CNTNAP4: variants seen among roughly 807,000 people sequenced by gnomAD.
The protein encoded by CNTNAP4 is contactin associated protein family member 4.
A neutral mutation model predicts 148.4 loss-of-function variants in CNTNAP4; 98 were observed. The observed-to-expected ratio is 0.66, with a 90% CI of 0.56 to 0.78. The LOEUF is 0.78. Ranked by LOEUF, CNTNAP4 falls within the 30% of genes least tolerant of loss-of-function variation. CNTNAP4 has a pLI of 0.00. For missense variants in CNTNAP4, 1,935 were observed against 1,565.6 expected (o/e 1.24, Z -3.98); for synonymous variants, 730 against 565.1 (o/e 1.29, Z -4.14).
chr16:76,422,537 CA>C (rs1344826210), intron 3 of CNTNAP4, among the ~76,000 whole-genome samples: 1 of 152,102 alleles, frequency 6.6e-6, no homozygotes, highest in African/African-American at 2.4e-5. Context: ...AAAAAAGCTT[CA>C]GATAAAATAT....
intron 1 of CNTNAP4, among the ~76,000 whole-genome samples, chr16:76,301,788 G>A (rs1421348376): frequency 6.6e-6 from 1 of 152,082 alleles, no homozygotes; most frequent in Non-Finnish European, 1.5e-5. Context: ...GGATGTTTAT[G>A]GGTTAAGGAA....
At chr16:76,520,971 A>G (rs917435489) in intron 15 of CNTNAP4, among the ~76,000 whole-genome samples, 169 bp from the exon 16 acceptor site, 21 of 152,146 alleles carry the variant, frequency 1.4e-4, no homozygotes, top group Non-Finnish European at 2.5e-4. Context: ...CTTATGATAT[A>G]CTCATATCTT....
At chr16:76,415,320 A>G (rs2078936203) in intron 3 of CNTNAP4, among the ~76,000 whole-genome samples, 1 of 151,220 alleles carries the variant, frequency 6.6e-6, no homozygotes, top group African/African-American at 2.4e-5. Context: ...AGATTCTACA[A>G]AATATATTTA....
chr16:76,352,327 T>C (rs1418218900), intron 2 of CNTNAP4, among the ~76,000 whole-genome samples: 4 of 152,190 alleles, frequency 2.6e-5, no homozygotes, highest in Non-Finnish European at 5.9e-5. Context: ...ATGTCCATCA[T>C]GTGCCTATAC....
chr16:76,540,886 G>A, intron 21 of CNTNAP4, 96 bp downstream of exon 21: 1 of 777,616 alleles, frequency 1.3e-6, no homozygotes, highest in South Asian at 1.6e-5. Flanking sequence ...CTTCGTCATG[G>A]CAAAGGAAAT....
rs572579966 is a variant in CNTNAP4 at position 76,381,874 on chromosome 16, C to T, written c.390+26363C>T. The stretch of plus-strand genomic sequence containing the variant: ...AGGAGATCGAGACCATCCTGGCTAA[C>T]ACGGTGAAACCCTGTCTCTACTAAA... On this transcript the variant is annotated intron_variant, in intron 3 of 23. Transcript: ENST00000611870. Among the ~76,000 whole-genome samples the T allele has an allele frequency of 1.1e-4, 16 of 152,072 alleles. No individual in the cohort carries two copies. The East Asian group carries it at 3.1e-3, about 30-fold the overall frequency.
chr16:76,439,901 A>G (rs999269662), intron 4 of CNTNAP4, among the ~76,000 whole-genome samples: 2 of 152,072 alleles, frequency 1.3e-5, no homozygotes, highest in African/African-American at 4.8e-5. Flanking sequence ...TCTCTTCTCC[A>G]TTGCTTTAAA....
At chr16:76,533,848 G>A (rs960075935) in intron 17 of CNTNAP4, among the ~76,000 whole-genome samples, 1 of 152,122 alleles carries the variant, frequency 6.6e-6, no homozygotes, top group Non-Finnish European at 1.5e-5. Context: ...AAATAGAACA[G>A]CCAACACCCT....
chr16:76,463,138 C>T (rs996923929), intron 9 of CNTNAP4, among the ~76,000 whole-genome samples: 2 of 152,102 alleles, frequency 1.3e-5, no homozygotes, highest in African/African-American at 4.8e-5. Context: ...AACCGGGCTG[C>T]TTATAAAACC....
intron 2 of CNTNAP4, among the ~76,000 whole-genome samples, chr16:76,350,035 A>G (rs1252747233): frequency 6.6e-6 from 1 of 152,060 alleles, no homozygotes; most frequent in Non-Finnish European, 1.5e-5. Flanking sequence ...CTCCCTTACC[A>G]GCACTAAATA....
intron 2 of CNTNAP4, among the ~76,000 whole-genome samples, chr16:76,328,195 C>T (rs1963183677): frequency 6.6e-6 from 1 of 152,154 alleles, no homozygotes; most frequent in Non-Finnish European, 1.5e-5. Context: ...TGACAAACAC[C>T]ACCTCATCTT....
chr16:76,419,270 G>A (rs930568928), intron 3 of CNTNAP4, among the ~76,000 whole-genome samples: 9 of 151,954 alleles, frequency 5.9e-5, no homozygotes, highest in African/African-American at 2.2e-4. Flanking sequence ...ACGGAGGCTG[G>A]AATGGGAGAA....
chr16:76,333,006 T>C (rs1268714464), intron 2 of CNTNAP4, among the ~76,000 whole-genome samples: 2 of 152,202 alleles, frequency 1.3e-5, no homozygotes, highest in East Asian at 3.8e-4. Context: ...ATTACTCCCC[T>C]TTCTTACACA....
intron 9 of CNTNAP4, among the ~76,000 whole-genome samples, chr16:76,464,062 G>C (rs1171768284): frequency 6.6e-6 from 1 of 152,150 alleles, no homozygotes; most frequent in African/African-American, 2.4e-5. Flanking sequence ...CACCCTAACA[G>C]TTCCAGGGCT....
intron 3 of CNTNAP4, among the ~76,000 whole-genome samples, chr16:76,413,154 A>G (rs1430956426): frequency 1.3e-5 from 2 of 151,254 alleles, no homozygotes; most frequent in Non-Finnish European, 3.0e-5. Flanking sequence ...TACAGTTATT[A>G]TTGACTATAG....
At chr16:76,477,082 G>T (rs1297796249) in intron 11 of CNTNAP4, among the ~76,000 whole-genome samples, 3 of 152,080 alleles carry the variant, frequency 2.0e-5, no homozygotes, top group Admixed American at 6.5e-5. Flanking sequence ...TACTTATAAA[G>T]AAATAGATAT....
intron 3 of CNTNAP4, among the ~76,000 whole-genome samples, chr16:76,385,967 G>C (rs913715172): frequency 1.3e-5 from 2 of 152,004 alleles, no homozygotes; most frequent in Non-Finnish European, 2.9e-5. Flanking sequence ...ACAAAAATGT[G>C]AAAAATGAAT....
intron 2 of CNTNAP4, among the ~76,000 whole-genome samples, chr16:76,319,351 G>A (rs776170412): frequency 2.6e-5 from 4 of 152,060 alleles, no homozygotes; most frequent in African/African-American, 7.2e-5. Flanking sequence ...AGATTGTGCT[G>A]TTGCACTCCA....
chr16:76,400,991 C>A (rs1568011555), intron 3 of CNTNAP4, among the ~76,000 whole-genome samples: 1 of 151,994 alleles, frequency 6.6e-6, no homozygotes, highest in African/African-American at 2.4e-5. Flanking sequence ...AGCATTGTTC[C>A]TTTGGATTAG....
Sources: gnomAD v4.1 joint callset for allele counts (sites outside exome capture counted in the v4.1 genomes callset) on GRCh38, gnomAD v4.1.1 for gene constraint, MANE v1.5 for transcripts, NCBI Gene and HGNC (gene_info 2026-07-23, HGNC 2026-07-21) for gene names.